The following MAD1L1 variants were observed in gnomAD, a reference collection of about 807,000 sequenced individuals.
MAD1L1 encodes the protein mitotic spindle assembly checkpoint protein MAD1.
In MAD1L1, 95 loss-of-function variants were observed where a neutral mutation model predicts 96.9. That is an observed-to-expected ratio of 0.98 (90% CI 0.83 to 1.16). The LOEUF (loss-of-function observed/expected upper bound fraction) is 1.16, where lower values mean the gene tolerates loss of function less well. Ranked by LOEUF, MAD1L1 falls within the 50% of genes most tolerant of loss-of-function variation. MAD1L1 has a pLI of 0.00. For synonymous variants in MAD1L1, 473 were observed against 396.6 expected, an observed-to-expected ratio of 1.19 and a Z score of -2.29; for missense variants, 1,007 against 954.4, an observed-to-expected ratio of 1.06 and a Z score of -0.73.
chr7:1,914,163 C>A (rs145742886), intron 17 of MAD1L1, among the ~76,000 whole-genome samples: 2,289 of 152,340 alleles, frequency 0.015, 22 homozygotes, highest in Middle Eastern at 0.058. Context: ...CCTCCCCTGG[C>A]CAGTGCTGGC....
intron 12 of MAD1L1, among the ~76,000 whole-genome samples, chr7:2,042,243 A>G (rs1783717648): frequency 6.6e-6 from 1 of 151,870 alleles, no homozygotes; most frequent in African/African-American, 2.4e-5. Context: ...GCATGCGCAC[A>G]CGTACACAGA....
intron 18 of MAD1L1, among the ~76,000 whole-genome samples, chr7:1,818,994 C>T (rs1388072823): frequency 1.3e-5 from 2 of 152,110 alleles, no homozygotes; most frequent in Non-Finnish European, 2.9e-5. Context: ...TGCAGCCCAC[C>T]TCTGACTCCG....
At chr7:2,104,221 G>C (rs1786965986) in intron 11 of MAD1L1, among the ~76,000 whole-genome samples, 2 of 152,240 alleles carry the variant, frequency 1.3e-5, no homozygotes, top group Non-Finnish European at 2.9e-5. Context: ...CTCCTCCACA[G>C]AGGCAAGCCC....
chr7:2,058,509 CAG>C (rs1419879869), intron 12 of MAD1L1, among the ~76,000 whole-genome samples: 2 of 73,636 alleles, frequency 2.7e-5, no homozygotes, highest in Admixed American at 2.7e-4. Flanking sequence ...GGAGTGTGGC[CAG>C]AGGAGAGGAG....
chr7:2,002,155 T>C (rs1781827056), intron 13 of MAD1L1, 34 bp from the exon 14 acceptor site: 1 of 1,604,516 alleles, frequency 6.2e-7, no homozygotes. Context: ...CCTGAGACTG[T>C]GGTGGGCCAG....
At chr7:2,007,515 A>G (rs941561101) in intron 13 of MAD1L1, among the ~76,000 whole-genome samples, 1 of 101,260 alleles carries the variant, frequency 9.9e-6, no homozygotes, top group Admixed American at 1.1e-4. Context: ...AATTACTAAA[A>G]ATACAAAAAT....
At chr7:1,936,960 A>G (rs1778648215) in intron 16 of MAD1L1, 63 bp from the exon 17 acceptor site, 2 of 1,332,296 alleles carry the variant, frequency 1.5e-6, no homozygotes, top group South Asian at 2.7e-5. Context: ...CGGGTCACAC[A>G]CAGCATGGGT....
chr7:2,184,934 G>A (rs568445966), intron 10 of MAD1L1, among the ~76,000 whole-genome samples: 22 of 152,240 alleles, frequency 1.4e-4, no homozygotes, highest in African/African-American at 2.6e-4. Context: ...CCCAGGAGGC[G>A]GAGGTTTCAG....
intron 17 of MAD1L1, among the ~76,000 whole-genome samples, chr7:1,899,014 T>G (rs1197289308): frequency 6.6e-6 from 1 of 152,198 alleles, no homozygotes; most frequent in Non-Finnish European, 1.5e-5. Flanking sequence ...CGGATCCTAC[T>G]GCCCCGGGGC....
At chr7:2,173,373 A>G (rs993619706) in intron 10 of MAD1L1, among the ~76,000 whole-genome samples, 4 of 152,162 alleles carry the variant, frequency 2.6e-5, no homozygotes, top group African/African-American at 7.2e-5. Flanking sequence ...CCCCGCGTCT[A>G]GCTGAGCACA....
chr7:2,045,722 AG>A (rs1421068951), intron 12 of MAD1L1, among the ~76,000 whole-genome samples: 2 of 140,816 alleles, frequency 1.4e-5, no homozygotes, highest in African/African-American at 5.2e-5. Context: ...GATTCCTTGA[AG>A]GAAGGAGAGT....
intron 17 of MAD1L1, among the ~76,000 whole-genome samples, chr7:1,929,674 G>A (rs1238367786): frequency 1.4e-5 from 2 of 147,644 alleles, no homozygotes; most frequent in African/African-American, 5.0e-5. Flanking sequence ...TGGCAAACAC[G>A]AAAGGGAGCT....
chr7:2,046,210 T>C (rs1783913036), intron 12 of MAD1L1, among the ~76,000 whole-genome samples: 1 of 152,068 alleles, frequency 6.6e-6, no homozygotes, highest in Non-Finnish European at 1.5e-5. Flanking sequence ...GGGAGTCCCA[T>C]CCCTTTCCAG....
chr7:1,951,329 G>A (rs1455782030), intron 16 of MAD1L1, among the ~76,000 whole-genome samples: 1 of 152,240 alleles, frequency 6.6e-6, no homozygotes, highest in Non-Finnish European at 1.5e-5. Context: ...GACAGAGGCC[G>A]TGTGAGGGCA....
chr7:1,939,064 G>A (rs560039632), intron 16 of MAD1L1, among the ~76,000 whole-genome samples: 39 of 111,744 alleles, frequency 3.5e-4, no homozygotes, highest in African/African-American at 1.3e-3. Context: ...ACACACACAC[G>A]GGCCAGAGCC....
chr7:1,972,418 C>T (rs1423243884), intron 15 of MAD1L1, among the ~76,000 whole-genome samples: 1 of 152,084 alleles, frequency 6.6e-6, no homozygotes, highest in African/African-American at 2.4e-5. Context: ...TCATCTTGGT[C>T]GAGTCTGGTG....
At chr7:1,918,088 C>A (rs376689453) in intron 17 of MAD1L1, among the ~76,000 whole-genome samples, 1 of 152,174 alleles carries the variant, frequency 6.6e-6, no homozygotes, top group African/African-American at 2.4e-5. Flanking sequence ...GCCCAGTCCA[C>A]GGCCAGCGCC....
intron 12 of MAD1L1, 146 bp from the exon 13 acceptor site, chr7:2,014,788 G>C: frequency 2.2e-6 from 2 of 896,556 alleles, no homozygotes; most frequent in Non-Finnish European, 3.2e-6. Flanking sequence ...CCACCCCTGA[G>C]GGCCCACCAA....
At position 2,092,064 on chromosome 7, in the gene MAD1L1, C is replaced by T. The variant is rs994791274; in HGVS notation, c.1074-22726G>A. Among the ~76,000 whole-genome samples the T allele has an allele frequency of 7.9e-5, 12 of 152,214 alleles. 1 individual carries two copies. The highest frequency in any genetic ancestry group is 1.5e-4 in the Non-Finnish European group (10 of 68,044). On this transcript the variant is annotated intron_variant, in intron 11 of 18. Coordinates refer to ENST00000265854, the MANE Select transcript of MAD1L1 (RefSeq NM_001013836.2). The stretch of plus-strand genomic sequence containing the variant: ...TGTTTGGCTTTGTAAAAAGCTGCCA[C>T]GCTGCCTCAAAGTGGTGGCACCATT...
Sources: allele counts gnomAD v4.1 joint callset (sites outside exome capture counted in the v4.1 genomes callset), GRCh38; gene constraint gnomAD v4.1.1; transcripts MANE v1.5; gene names NCBI Gene and HGNC (gene_info 2026-07-23, HGNC 2026-07-21).